Variants in ANAPC10 observed in about 807,000 individuals in gnomAD.
ANAPC10 encodes anaphase-promoting complex subunit 10.
A neutral mutation model predicts 22.0 loss-of-function variants in ANAPC10; 12 were observed. The observed-to-expected ratio is 0.55, with a 90% confidence interval of 0.35 to 0.88. The LOEUF is 0.88. ANAPC10 is among the 40% of genes least tolerant of loss of function. ANAPC10 has a pLI of 0.01. For synonymous variants in ANAPC10, 65 were observed against 69.5 expected, an observed-to-expected ratio of 0.94 and a Z score of 0.32; for missense variants, 188 against 220.9, an observed-to-expected ratio of 0.85 and a Z score of 0.94.
chr4:145,027,448 T>A (rs919138159), intron 4 of ANAPC10, among the ~76,000 whole-genome samples: 2 of 152,006 alleles, frequency 1.3e-5, no homozygotes, highest in Non-Finnish European at 2.9e-5. Flanking sequence ...GAGAAAACTA[T>A]TAAAAACTAT....
chr4:145,037,689 A>C (rs998688017), intron 4 of ANAPC10, among the ~76,000 whole-genome samples: 3 of 152,174 alleles, frequency 2.0e-5, no homozygotes, highest in African/African-American at 7.2e-5. Context: ...GCTCACACCT[A>C]TAATCCCATG....
intron 4 of ANAPC10, among the ~76,000 whole-genome samples, chr4:145,051,369 G>A (rs80292045): frequency 0.011 from 1,710 of 152,122 alleles, 11 homozygotes; most frequent in South Asian, 0.027. Context: ...AAGAATCACC[G>A]ATCACAGATC....
chr4:145,003,695 T>C (rs1732916209), intron 4 of ANAPC10, among the ~76,000 whole-genome samples: 1 of 152,162 alleles, frequency 6.6e-6, no homozygotes, highest in Non-Finnish European at 1.5e-5. Flanking sequence ...GTTCCATTGG[T>C]GTATGTGTCT....
intron 4 of ANAPC10, among the ~76,000 whole-genome samples, chr4:145,021,978 C>T (rs964426477): frequency 7.2e-5 from 11 of 152,162 alleles, no homozygotes; most frequent in African/African-American, 2.2e-4. Context: ...CACCACCTTA[C>T]TTCTGCAGGA....
intron 4 of ANAPC10, among the ~76,000 whole-genome samples, chr4:145,021,584 C>T (rs1321394562): frequency 1.3e-5 from 2 of 152,038 alleles, no homozygotes; most frequent in Admixed American, 1.3e-4. Flanking sequence ...AGAAGATTAA[C>T]GTTGGAAAAA....
intron 2 of ANAPC10, among the ~76,000 whole-genome samples, chr4:145,094,036 C>G (rs778378987): frequency 6.6e-6 from 1 of 152,134 alleles, no homozygotes; most frequent in African/African-American, 2.4e-5. Context: ...AATTTGGAAG[C>G]GGTCCACAGA....
intron 4 of ANAPC10, among the ~76,000 whole-genome samples, chr4:144,998,621 T>C (rs1441086983): frequency 1.3e-5 from 2 of 152,148 alleles, no homozygotes; most frequent in African/African-American, 4.8e-5. Flanking sequence ...TAAAGCAGTG[T>C]GTCGAGGGAA....
chr4:145,096,723 C>CT (rs562422991), intron 1 of ANAPC10, among the ~76,000 whole-genome samples: 143 of 150,450 alleles, frequency 9.5e-4, no homozygotes, highest in African/African-American at 3.2e-3. Flanking sequence ...TACTTAATTC[C>CT]TTTTTTTTTA....
chr4:145,021,307 G>A (rs768395966), intron 4 of ANAPC10, among the ~76,000 whole-genome samples: 20 of 152,072 alleles, frequency 1.3e-4, no homozygotes, highest in Admixed American at 7.9e-4. Flanking sequence ...AAAACAGCAT[G>A]GTACTGGTAT....
Position 145,057,184 on chromosome 4 carries a change from A to G in ANAPC10, c.327+7388T>C, listed in dbSNP as rs1242473848. On this transcript the variant is annotated intron_variant, in intron 4 of 4. Transcript: ENST00000507656. ...AAATATTATAATAAGAAAAGATAGA[A>G]TTCCTGCTATTAAATCATTTCATTA... Among the ~76,000 whole-genome samples the G allele has an allele frequency of 2.6e-5, 4 of 152,242 alleles. No homozygotes were observed. In the East Asian group the frequency reaches 7.7e-4, roughly 29 times the overall value.
At chr4:145,026,945 A>ATATATATATATATATATATGTGTGTG (rs1287102797) in intron 4 of ANAPC10, among the ~76,000 whole-genome samples, 19 of 17,150 alleles carry the variant, frequency 1.1e-3, no homozygotes, top group Non-Finnish European at 1.9e-3. Flanking sequence ...ATATATATAT[A>ATATATATATATATATATATGTGTGTG]TGTGTGTGTG....
At chr4:145,048,906 A>C (rs1420592395) in intron 4 of ANAPC10, among the ~76,000 whole-genome samples, 1 of 152,202 alleles carries the variant, frequency 6.6e-6, no homozygotes, top group African/African-American at 2.4e-5. Flanking sequence ...ATAAAGTTTT[A>C]AAGTTTTAGC....
rs1210813776 is a variant in ANAPC10 at position 145,042,280 on chromosome 4, G to A, written c.327+22292C>T. 3.3e-5 allele frequency among the ~76,000 whole-genome samples: 5 copies of A among 152,148 alleles called. No homozygotes were observed. In the South Asian group the frequency reaches 1.0e-3, roughly 32 times the overall value. ...GCACCCATAAATATACTTCCTGAAC[G>A]TTCCTTGATTATGTAGGGTCAGTTG... On this transcript the variant is annotated intron_variant, in intron 4 of 4. Coordinates refer to ENST00000507656, the MANE Select transcript of ANAPC10 (RefSeq NM_001256706.2).
At chr4:145,032,974 T>C (rs1388298869) in intron 4 of ANAPC10, 2 of 152,198 alleles carry the variant, frequency 1.3e-5, no homozygotes, top group South Asian at 2.1e-4. Context: ...CCACACAGCA[T>C]TGCCTCTGAC....
At chr4:145,019,436 C>G (rs767133272) in intron 4 of ANAPC10, among the ~76,000 whole-genome samples, 1 of 152,076 alleles carries the variant, frequency 6.6e-6, no homozygotes, top group Non-Finnish European at 1.5e-5. Context: ...CTGTGGGATA[C>G]AGCAAAGGTG....
intron 4 of ANAPC10, among the ~76,000 whole-genome samples, chr4:145,010,648 G>A (rs1694597014): frequency 6.6e-6 from 1 of 151,970 alleles, no homozygotes; most frequent in South Asian, 2.1e-4. Flanking sequence ...ACAGGGTGGG[G>A]AACATCGCAC....
chr4:145,054,711 T>C (rs1741782989), intron 4 of ANAPC10, among the ~76,000 whole-genome samples: 1 of 146,506 alleles, frequency 6.8e-6, no homozygotes, highest in African/African-American at 2.7e-5. Context: ...TGTGTGTGCA[T>C]GTGTGTGTGT....
chr4:145,050,962 T>A (rs1447596261), intron 4 of ANAPC10, among the ~76,000 whole-genome samples: 2 of 152,212 alleles, frequency 1.3e-5, no homozygotes, highest in African/African-American at 4.8e-5. Flanking sequence ...TTAATTTCCG[T>A]CAGGAACTTT....
At chr4:145,011,084 C>A (rs1734227493) in intron 4 of ANAPC10, among the ~76,000 whole-genome samples, 2 of 151,932 alleles carry the variant, frequency 1.3e-5, no homozygotes, top group Non-Finnish European at 2.9e-5. Flanking sequence ...GTAATCCCAG[C>A]ACTTTTGGAG....
Sources: gnomAD v4.1 joint callset for allele counts (sites outside exome capture counted in the v4.1 genomes callset) on GRCh38, gnomAD v4.1.1 for gene constraint, MANE v1.5 for transcripts, NCBI Gene and HGNC (gene_info 2026-07-23, HGNC 2026-07-21) for gene names.